PDGFD: variants seen among roughly 807,000 people sequenced by gnomAD.
PDGFD encodes the protein platelet-derived growth factor D.
PDGFD carries 30 observed loss-of-function variants against 44.7 expected under a neutral mutation model. The ratio of observed to expected loss-of-function variants is 0.67; its 90% confidence interval spans 0.50 to 0.91. The LOEUF (loss-of-function observed/expected upper bound fraction) is 0.91. Among genes scored for constraint, PDGFD ranks in the 40% least tolerant of loss-of-function variants. The pLI is 0.00. For synonymous variants in PDGFD, 173 were observed against 168.4 expected, an observed-to-expected ratio of 1.03 and a Z score of -0.21; for missense variants, 445 against 457.8, an observed-to-expected ratio of 0.97 and a Z score of 0.25.
Position 104,032,192 on chromosome 11 carries a change from C to A in PDGFD, c.125-31937G>T, listed in dbSNP as rs551788225. Among the ~76,000 whole-genome samples the A allele has an allele frequency of 6.2e-4, 93 of 151,158 alleles. No individual in the cohort carries two copies. The East Asian group carries it at 7.8e-3, about 13-fold the overall frequency. On this transcript the variant is annotated intron_variant, in intron 1 of 6. Transcript: ENST00000393158. ...TAAACACAGATATATACAACAACAA[C>A]AACAAAAATAATGAATAAATAAATA...
At chr11:104,033,023 C>A (rs770239685) in intron 1 of PDGFD, among the ~76,000 whole-genome samples, 1 of 150,562 alleles carries the variant, frequency 6.6e-6, no homozygotes, top group African/African-American at 2.4e-5. Context: ...TAGGGATTTA[C>A]GGTATAACAA....
intron 1 of PDGFD, among the ~76,000 whole-genome samples, chr11:104,009,776 C>T (rs1859755696): frequency 6.6e-6 from 1 of 152,086 alleles, no homozygotes; most frequent in Non-Finnish European, 1.5e-5. Context: ...ACCATGTGAA[C>T]TGATAAAGGT....
chr11:103,945,366 C>T (rs1858653695), intron 4 of PDGFD, among the ~76,000 whole-genome samples: 2 of 152,134 alleles, frequency 1.3e-5, no homozygotes, highest in African/African-American at 4.8e-5. Context: ...TCACATCTCT[C>T]TTGAGGTCAC....
chr11:104,061,439 C>T (rs1014206811), intron 1 of PDGFD, among the ~76,000 whole-genome samples: 3 of 152,058 alleles, frequency 2.0e-5, no homozygotes, highest in East Asian at 1.9e-4. Flanking sequence ...CCATCTAAAT[C>T]GGGAGGGAGC....
intron 1 of PDGFD, among the ~76,000 whole-genome samples, chr11:104,024,749 G>T (rs957859523): frequency 3.3e-5 from 5 of 152,174 alleles, no homozygotes; most frequent in Non-Finnish European, 7.3e-5. Context: ...ATTAAGTGGT[G>T]CATGACTGTA....
intron 1 of PDGFD, among the ~76,000 whole-genome samples, chr11:104,099,415 G>A (rs621784): frequency 0.72 from 108,613 of 151,850 alleles, 39,109 homozygotes; most frequent in East Asian, 0.98. Flanking sequence ...CAAGGCAGGC[G>A]GATCGTTTGA....
At chr11:104,025,524 CAG>C (rs2134385388) in intron 1 of PDGFD, among the ~76,000 whole-genome samples, 1 of 152,302 alleles carries the variant, frequency 6.6e-6, no homozygotes, top group East Asian at 1.9e-4. Context: ...GATGTAGATA[CAG>C]GCAGTCTTTA....
At chr11:104,038,335 CAA>C (rs1179739960) in intron 1 of PDGFD, 1 of 251,474 alleles carries the variant, frequency 4.0e-6, no homozygotes, top group Non-Finnish European at 8.3e-6. Flanking sequence ...GTGGCTTATC[CAA>C]ATCATTGCTA....
intron 2 of PDGFD, among the ~76,000 whole-genome samples, chr11:103,997,804 T>TA (rs1157586187): frequency 6.6e-6 from 1 of 152,204 alleles, no homozygotes; most frequent in Non-Finnish European, 1.5e-5. Context: ...CACATCATTG[T>TA]AACTTTAACT....
At chr11:104,161,421 G>A (rs1334979799) in intron 1 of PDGFD, among the ~76,000 whole-genome samples, 1 of 152,152 alleles carries the variant, frequency 6.6e-6, no homozygotes, top group African/African-American at 2.4e-5. Flanking sequence ...AATTTAATAA[G>A]TTATACTTTC....
chr11:104,082,564 A>G (rs1287922657), intron 1 of PDGFD, among the ~76,000 whole-genome samples: 1 of 152,178 alleles, frequency 6.6e-6, no homozygotes. Context: ...GATTACTTCA[A>G]AAGACTAAGG....
intron 1 of PDGFD, among the ~76,000 whole-genome samples, chr11:104,057,543 A>C (rs527683755): frequency 1.2e-4 from 19 of 152,228 alleles, no homozygotes; most frequent in Admixed American, 4.6e-4. Flanking sequence ...GAGGGAGGAG[A>C]GAAAGGGTTG....
At chr11:103,932,278 T>C (rs1858414208) in intron 5 of PDGFD, among the ~76,000 whole-genome samples, 1 of 152,186 alleles carries the variant, frequency 6.6e-6, no homozygotes, top group Admixed American at 6.5e-5. Context: ...TTCAGTAAAG[T>C]ATTCAATAAA....
At chr11:104,138,552 G>A (rs1050333181) in intron 1 of PDGFD, among the ~76,000 whole-genome samples, 16 of 152,272 alleles carry the variant, frequency 1.1e-4, no homozygotes, top group African/African-American at 3.4e-4. Context: ...CACAACCTGG[G>A]AGCTGTTAGA....
At chr11:103,965,960 A>C (rs939337319) in intron 3 of PDGFD, among the ~76,000 whole-genome samples, 1 of 152,180 alleles carries the variant, frequency 6.6e-6, no homozygotes, top group Non-Finnish European at 1.5e-5. Context: ...AGATTCAGCA[A>C]GTTGACGGCA....
intron 1 of PDGFD, among the ~76,000 whole-genome samples, chr11:104,149,837 C>T (rs965343757): frequency 2.0e-5 from 3 of 151,928 alleles, no homozygotes; most frequent in Non-Finnish European, 2.9e-5. Context: ...TGGCCCTGGC[C>T]GGAAATTGAT....
intron 5 of PDGFD, among the ~76,000 whole-genome samples, chr11:103,930,370 T>C (rs1018983635): frequency 1.3e-5 from 2 of 152,120 alleles, no homozygotes; most frequent in South Asian, 2.1e-4. Flanking sequence ...CACCCTTTTA[T>C]AGTTTCTAAT....
At chr11:104,059,670 A>G (rs1461002008) in intron 1 of PDGFD, among the ~76,000 whole-genome samples, 1 of 152,132 alleles carries the variant, frequency 6.6e-6, no homozygotes, top group Non-Finnish European at 1.5e-5. Context: ...CTGCCTAAGG[A>G]ACAACTAATC....
At chr11:104,081,077 C>T (rs1333681553) in intron 1 of PDGFD, among the ~76,000 whole-genome samples, 2 of 152,190 alleles carry the variant, frequency 1.3e-5, no homozygotes. Context: ...AGCCATCCTA[C>T]ATTCCTGACC....
Sources: gnomAD v4.1 joint callset for allele counts (sites outside exome capture counted in the v4.1 genomes callset) on GRCh38, gnomAD v4.1.1 for gene constraint, MANE v1.5 for transcripts, NCBI Gene and HGNC (gene_info 2026-07-23, HGNC 2026-07-21) for gene names.